Variants in PLEKHG7 observed in about 807,000 individuals in gnomAD.
PLEKHG7 encodes the protein pleckstrin homology and RhoGEF domain containing G7.
A neutral mutation model predicts 85.2 loss-of-function variants in PLEKHG7; 77 were observed. The ratio of observed to expected loss-of-function variants is 0.90; its 90% CI spans 0.75 to 1.09. PLEKHG7 has a LOEUF of 1.09. Among genes scored for constraint, PLEKHG7 ranks in the 50% least tolerant of loss-of-function variants. The pLI is 0.00. For missense variants in PLEKHG7, 777 were observed against 804.3 expected, an observed-to-expected ratio of 0.97 and a Z score of 0.41; for synonymous variants, 301 against 302.4, an observed-to-expected ratio of 1.00 and a Z score of 0.05.
At chr12:92,730,036 T>A (rs1242402237) in intron 4 of PLEKHG7, among the ~76,000 whole-genome samples, 1 of 152,048 alleles carries the variant, frequency 6.6e-6, no homozygotes, top group Non-Finnish European at 1.5e-5. Context: ...TGACTGTGAG[T>A]CCAGTGCCCT....
At chr12:92,746,627 G>T (rs1872539917) in intron 10 of PLEKHG7, among the ~76,000 whole-genome samples, 1 of 152,232 alleles carries the variant, frequency 6.6e-6, no homozygotes, top group South Asian at 2.1e-4. Context: ...CAAACTGGGA[G>T]AATCCAGGTT....
intron 7 of PLEKHG7, among the ~76,000 whole-genome samples, chr12:92,739,375 G>T (rs927701948): frequency 6.6e-6 from 1 of 152,232 alleles, no homozygotes; most frequent in African/African-American, 2.4e-5. Context: ...GCCTGGGGAA[G>T]AGTAGACACT....
At chr12:92,734,649 C>T (rs1282286470) in intron 5 of PLEKHG7, among the ~76,000 whole-genome samples, 7 of 152,170 alleles carry the variant, frequency 4.6e-5, no homozygotes, top group Non-Finnish European at 8.8e-5. Context: ...TAGGAGTCCC[C>T]ATCACCAGAC....
chr12:92,707,090 AGAAGGCCACTTCCT>A lies in PLEKHG7; in HGVS notation c.461_474del (p.Glu154AlafsTer9). ...TTCACCAGGCCTCTCTTCGGCAGCAAGAAGGCCACTTCCTGCCCAGCCCCACCCTACGACACCCT... is the reference window on the plus strand; with the variant it reads ...TTCACCAGGCCTCTCTTCGGCAGCAAGCCCAGCCCCACCCTACGACACCCT... On this transcript the variant is annotated frameshift_variant, in exon 2 of 17. Coordinates refer to ENST00000344636, the MANE Select transcript of PLEKHG7 (RefSeq NM_001377329.1). LOFTEE classifies it high-confidence loss of function. 6.2e-7 allele frequency: 1 copy of A among 1,614,086 alleles called. No homozygotes were observed.
At chr12:92,750,250 C>T (rs528706297) in intron 10 of PLEKHG7, among the ~76,000 whole-genome samples, 1 of 151,890 alleles carries the variant, frequency 6.6e-6, no homozygotes, top group Non-Finnish European at 1.5e-5. Flanking sequence ...AATAAAAAGG[C>T]CTTTTATGTC....
At chr12:92,758,397 A>C (rs1431779946) in intron 13 of PLEKHG7, among the ~76,000 whole-genome samples, 1 of 152,232 alleles carries the variant, frequency 6.6e-6, no homozygotes, top group Non-Finnish European at 1.5e-5. Context: ...TGTATCTGAA[A>C]GTTTTGTTGA....
At chr12:92,762,167 A>G (rs748872396) in intron 14 of PLEKHG7, among the ~76,000 whole-genome samples, 1 of 152,242 alleles carries the variant, frequency 6.6e-6, no homozygotes, top group East Asian at 1.9e-4. Context: ...AAAGGAACCC[A>G]AAACATCTTT....
At chr12:92,709,265 C>A (rs1039745983) in intron 3 of PLEKHG7, among the ~76,000 whole-genome samples, 9 of 152,166 alleles carry the variant, frequency 5.9e-5, no homozygotes, top group Admixed American at 5.9e-4. Flanking sequence ...TTAGGAGATA[C>A]AATCCCCCAG....
intron 3 of PLEKHG7, among the ~76,000 whole-genome samples, chr12:92,718,327 G>A (rs10859366): frequency 0.5 from 75,358 of 151,992 alleles, 19,528 homozygotes; most frequent in East Asian, 0.9. Flanking sequence ...CAGCTCATCT[G>A]TTAGGCTGGT....
intron 7 of PLEKHG7, among the ~76,000 whole-genome samples, chr12:92,737,786 C>T (rs578036595): frequency 1.6e-4 from 8 of 50,942 alleles, no homozygotes; most frequent in South Asian, 8.7e-4. Flanking sequence ...AGAGAGGGAA[C>T]GGGAGGCCAG....
intron 3 of PLEKHG7, among the ~76,000 whole-genome samples, chr12:92,725,700 T>A (rs1278163996): frequency 6.6e-6 from 1 of 152,202 alleles, no homozygotes; most frequent in East Asian, 1.9e-4. Flanking sequence ...TTGTAAAAAA[T>A]TATGGGATAT....
chr12:92,730,571 C>A (rs1871956160), intron 4 of PLEKHG7, among the ~76,000 whole-genome samples: 1 of 152,216 alleles, frequency 6.6e-6, no homozygotes, highest in Admixed American at 6.5e-5. Flanking sequence ...GTGGCCACCA[C>A]CACGCCTGGC....
chr12:92,755,629 T>G (rs910170169), intron 11 of PLEKHG7, among the ~76,000 whole-genome samples, 196 bp from the exon 12 acceptor site: 2 of 152,252 alleles, frequency 1.3e-5, no homozygotes, highest in African/African-American at 4.8e-5. Context: ...TTGATTTTTC[T>G]CTGCAAGAGA....
At chr12:92,748,860 C>T (rs1382842948) in intron 10 of PLEKHG7, among the ~76,000 whole-genome samples, 1 of 152,208 alleles carries the variant, frequency 6.6e-6, no homozygotes, top group Admixed American at 6.5e-5. Context: ...CTCGCAGATA[C>T]CCAAGGTGAC....
At chr12:92,721,416 A>G in intron 3 of PLEKHG7, 3 of 1,208,934 alleles carry the variant, frequency 2.5e-6, no homozygotes, top group Admixed American at 8.4e-5. Flanking sequence ...TCTTCAGCAG[A>G]GCATAGAATA....
At chr12:92,708,381 A>G (rs1871300801) in intron 3 of PLEKHG7, 1 of 152,380 alleles carries the variant, frequency 6.6e-6, no homozygotes, top group South Asian at 2.1e-4. Flanking sequence ...TTTGATATTC[A>G]TAGCAGTAAG....
chr12:92,711,997 T>C (rs1040802330), intron 3 of PLEKHG7, among the ~76,000 whole-genome samples: 3 of 152,212 alleles, frequency 2.0e-5, no homozygotes, highest in Admixed American at 1.3e-4. Context: ...TAGCAACTTA[T>C]CTTTCACTTT....
At chr12:92,709,860 T>G (rs987378865) in intron 3 of PLEKHG7, among the ~76,000 whole-genome samples, 1 of 152,120 alleles carries the variant, frequency 6.6e-6, no homozygotes, top group Admixed American at 6.5e-5. Flanking sequence ...CTGGCCAACA[T>G]AGTGAAACCT....
chr12:92,762,493 T>A (rs1873066145), intron 14 of PLEKHG7, among the ~76,000 whole-genome samples: 1 of 152,182 alleles, frequency 6.6e-6, no homozygotes, highest in South Asian at 2.1e-4. Context: ...ACTTAAGTAT[T>A]ATTTGTTACT....
Sources: gnomAD v4.1 joint callset for allele counts (sites outside exome capture counted in the v4.1 genomes callset) on GRCh38, gnomAD v4.1.1 for gene constraint, MANE v1.5 for transcripts, NCBI Gene and HGNC (gene_info 2026-07-23, HGNC 2026-07-21) for gene names.